The following TENM4 variants were observed in gnomAD, a reference collection of about 807,000 sequenced individuals.
TENM4 encodes teneurin transmembrane protein 4.
TENM4 carries 82 observed loss-of-function variants against 243.3 expected under a neutral mutation model. That is an observed-to-expected ratio of 0.34 (90% CI 0.28 to 0.40). The LOEUF (loss-of-function observed/expected upper bound fraction) is 0.40. Ranked by LOEUF, TENM4 falls within the 10% of genes least tolerant of loss-of-function variation. The pLI is 1.00. For synonymous variants in TENM4, 1,412 were observed against 1,456.3 expected, an observed-to-expected ratio of 0.97 and a Z score of 0.69; for missense variants, 3,138 against 3,673.3, an observed-to-expected ratio of 0.85 and a Z score of 3.77.
chr11:78,982,376 G>A (rs2136630131), intron 6 of TENM4, among the ~76,000 whole-genome samples: 1 of 152,262 alleles, frequency 6.6e-6, no homozygotes, highest in East Asian at 1.9e-4. Flanking sequence ...CCAGTAATCA[G>A]GAGTTGTCCT....
chr11:78,745,221 CTTTTTCTTTTTTTTT>C, intron 19 of TENM4, among the ~76,000 whole-genome samples: 1 of 139,136 alleles, frequency 7.2e-6, no homozygotes, highest in Non-Finnish European at 1.5e-5. Context: ...TCTTTTTTTT[CTTTTTCTTTTTTTTT>C]TTTTTTTTGA....
At chr11:78,686,718 C>T (rs1652112208) in intron 29 of TENM4, among the ~76,000 whole-genome samples, 1 of 152,192 alleles carries the variant, frequency 6.6e-6, no homozygotes, top group African/African-American at 2.4e-5. Flanking sequence ...TATTTGGTCA[C>T]AGAAGTCTTC....
chr11:79,160,655 G>A (rs1862723822), intron 3 of TENM4, among the ~76,000 whole-genome samples: 1 of 152,092 alleles, frequency 6.6e-6, no homozygotes, highest in Admixed American at 6.5e-5. Flanking sequence ...TGAATATAGA[G>A]GCTTATCAGC....
intron 6 of TENM4, among the ~76,000 whole-genome samples, chr11:78,908,511 A>T (rs1427417035): frequency 1.3e-5 from 2 of 152,166 alleles, no homozygotes; most frequent in African/African-American, 4.8e-5. Flanking sequence ...CAAAGCAAAA[A>T]ACCTTGAGAG....
At chr11:79,046,112 G>C (rs1353569935) in intron 6 of TENM4, among the ~76,000 whole-genome samples, 1 of 152,218 alleles carries the variant, frequency 6.6e-6, no homozygotes, top group Non-Finnish European at 1.5e-5. Flanking sequence ...GTCTCAGGCA[G>C]GAATCTTCCC....
chr11:79,252,779 C>T (rs1855633820), intron 2 of TENM4, among the ~76,000 whole-genome samples: 1 of 152,082 alleles, frequency 6.6e-6, no homozygotes. Context: ...CCTGTGGGTC[C>T]AAGGAGGATG....
intron 1 of TENM4, among the ~76,000 whole-genome samples, chr11:79,379,030 C>T (rs1481486746): frequency 6.6e-6 from 1 of 152,118 alleles, no homozygotes; most frequent in East Asian, 1.9e-4. Context: ...ATAGAGGTTA[C>T]AGTGCTTGTA....
intron 18 of TENM4, among the ~76,000 whole-genome samples, chr11:78,764,289 G>A (rs761727832): frequency 6.6e-5 from 10 of 152,186 alleles, no homozygotes; most frequent in South Asian, 4.1e-4. Flanking sequence ...ACATCGTACC[G>A]CTAGTTAAAG....
chr11:79,173,454 C>T (rs1001093921), intron 3 of TENM4, among the ~76,000 whole-genome samples: 5 of 152,284 alleles, frequency 3.3e-5, no homozygotes, highest in African/African-American at 1.2e-4. Flanking sequence ...GGCTTATCCT[C>T]TGCCTCATCC....
At chr11:79,103,560 C>G (rs1460307609) in intron 4 of TENM4, among the ~76,000 whole-genome samples, 1 of 152,210 alleles carries the variant, frequency 6.6e-6, no homozygotes, top group Non-Finnish European at 1.5e-5. Flanking sequence ...TGCATTTCAT[C>G]AATCCTAAGA....
chr11:79,036,946 G>T (rs1339880028), intron 6 of TENM4, among the ~76,000 whole-genome samples: 1 of 145,478 alleles, frequency 6.9e-6, no homozygotes, highest in African/African-American at 2.6e-5. Context: ...GGAAGGCAGA[G>T]CTTGCAGTGA....
At chr11:79,152,671 T>G (rs928508138) in intron 3 of TENM4, among the ~76,000 whole-genome samples, 1 of 152,204 alleles carries the variant, frequency 6.6e-6, no homozygotes, top group Admixed American at 6.5e-5. Context: ...CTCCAACCCC[T>G]TCCAATGCCA....
chr11:78,968,329 G>C (rs1425556042), intron 6 of TENM4, among the ~76,000 whole-genome samples: 1 of 152,184 alleles, frequency 6.6e-6, no homozygotes, highest in African/African-American at 2.4e-5. Context: ...CTGTCACCCA[G>C]GCTGGAGTGT....
intron 1 of TENM4, among the ~76,000 whole-genome samples, chr11:79,310,370 A>T (rs1217117892): frequency 6.6e-6 from 1 of 152,202 alleles, no homozygotes; most frequent in African/African-American, 2.4e-5. Flanking sequence ...GGCCAGCCAA[A>T]ACTCTGATAA....
At chr11:79,174,732 C>A (rs543911825) in intron 3 of TENM4, among the ~76,000 whole-genome samples, 4 of 152,266 alleles carry the variant, frequency 2.6e-5, no homozygotes, top group South Asian at 2.1e-4. Flanking sequence ...TAGGAAGGCA[C>A]GACTCCTTTG....
At chr11:78,951,056 G>A (rs759610985) in intron 6 of TENM4, among the ~76,000 whole-genome samples, 4 of 152,356 alleles carry the variant, frequency 2.6e-5, no homozygotes, top group East Asian at 1.9e-4. Flanking sequence ...ATCAAACCCC[G>A]GGAAAATGCA....
chr11:79,150,579 C>T (rs1381440547), intron 3 of TENM4, among the ~76,000 whole-genome samples: 1 of 152,158 alleles, frequency 6.6e-6, no homozygotes. Context: ...TGGCTTTCAG[C>T]CTCTTTCTTT....
chr11:79,089,693 A>G (rs975455465), intron 4 of TENM4, among the ~76,000 whole-genome samples: 1 of 152,172 alleles, frequency 6.6e-6, no homozygotes, highest in African/African-American at 2.4e-5. Flanking sequence ...CAATGGCCGC[A>G]GGCAAGAGTG....
At chr11:78,921,701 C>A (rs1856452375) in intron 6 of TENM4, among the ~76,000 whole-genome samples, 1 of 152,158 alleles carries the variant, frequency 6.6e-6, no homozygotes, top group African/African-American at 2.4e-5. Flanking sequence ...AGCCTGGGGT[C>A]TTATTGACAG....
Sources: allele counts gnomAD v4.1 joint callset (sites outside exome capture counted in the v4.1 genomes callset), GRCh38; gene constraint gnomAD v4.1.1; transcripts MANE v1.5; gene names NCBI Gene and HGNC (gene_info 2026-07-23, HGNC 2026-07-21).